CGREF1: variants seen among roughly 807,000 people sequenced by gnomAD.
CGREF1 encodes cell growth regulator with EF hand domain protein 1.
A neutral mutation model predicts 17.4 loss-of-function variants in CGREF1; 16 were observed. The observed-to-expected ratio is 0.92, with a 90% CI of 0.62 to 1.40. The LOEUF is 1.40. Among genes scored for constraint, CGREF1 ranks in the 40% most tolerant of loss-of-function variants. The probability of loss-of-function intolerance (pLI) is 0.00; values close to 1 mark genes in which losing one functional copy is unlikely to be tolerated. For missense variants in CGREF1, 296 were observed against 376.4 expected, an observed-to-expected ratio of 0.79 and a Z score of 1.77; for synonymous variants, 142 against 154.6, an observed-to-expected ratio of 0.92 and a Z score of 0.61.
intron 1 of CGREF1, among the ~76,000 whole-genome samples, chr2:27,109,142 G>A (rs1468162888): frequency 6.6e-6 from 1 of 152,128 alleles, no homozygotes; most frequent in African/African-American, 2.4e-5. Context: ...AGCTGAGGTG[G>A]AAGGATCTCC....
Position 27,102,433 on chromosome 2 carries a change from G to A in CGREF1, c.147-3C>T, listed in dbSNP as rs765715349. The A allele has an allele frequency of 6.2e-7, 1 of 1,614,028 alleles. No individual in the cohort carries two copies. The highest frequency in any genetic ancestry group is 8.5e-7 in the Non-Finnish European group (1 of 1,179,884). ...CCTTTAGGTAGCTCTGCAGAAGTCT[G>A]TCAGAAAAGTGGAGAATCAGCCCGG... On this transcript the variant is annotated splice_polypyrimidine_tract_variant and splice_region_variant and intron_variant, in intron 3 of 5. Coordinates refer to ENST00000402394, the MANE Select transcript of CGREF1 (RefSeq NM_006569.6).
chr2:27,116,659 T>C (rs1400875730), intron 1 of CGREF1, among the ~76,000 whole-genome samples: 1 of 150,982 alleles, frequency 6.6e-6, no homozygotes, highest in African/African-American at 2.4e-5. Context: ...AACCTCCACC[T>C]CCCGAGTTCA....
chr2:27,111,167 G>C (rs1671365102), intron 1 of CGREF1, among the ~76,000 whole-genome samples: 1 of 152,204 alleles, frequency 6.6e-6, no homozygotes, highest in Non-Finnish European at 1.5e-5. Flanking sequence ...CTGCTGATTG[G>C]TCCATTTTAC....
chr2:27,116,898 TCTCTCTCTCTCTCTCTCTCTCTCTC>T (rs1671597717), intron 1 of CGREF1, among the ~76,000 whole-genome samples: 3 of 128,596 alleles, frequency 2.3e-5, no homozygotes, highest in African/African-American at 8.9e-5. Context: ...TCTCTCTCTC[TCTCTCTCTCTCTCTCTCTCTCTCTC>T]TTTTTTTGAG....
At chr2:27,111,487 G>A (rs1440428926) in intron 1 of CGREF1, among the ~76,000 whole-genome samples, 1 of 152,252 alleles carries the variant, frequency 6.6e-6, no homozygotes, top group African/African-American at 2.4e-5. Context: ...AGGTGGAGCT[G>A]CCTGTCAGTC....
At chr2:27,099,399 C>T (rs772413859), downstream of CGREF1, 5 of 1,612,728 alleles carry the variant, frequency 3.1e-6, no homozygotes, top group South Asian at 5.5e-5. Context: ...TAACACCCAG[C>T]TGAGTGGAGC....
intron 1 of CGREF1, chr2:27,110,616 A>G (rs2148394044): frequency 6.6e-6 from 1 of 152,404 alleles, no homozygotes; most frequent in Middle Eastern, 3.4e-3. Flanking sequence ...AGTAAAACAG[A>G]CAAACCTTTG....
intron 1 of CGREF1, among the ~76,000 whole-genome samples, chr2:27,118,210 C>T (rs544766520): frequency 6.6e-6 from 1 of 152,222 alleles, no homozygotes; most frequent in South Asian, 2.1e-4. Flanking sequence ...AAATTTCTTC[C>T]TCAGCAACCC....
Position 27,101,693 on chromosome 2 carries a change from CTT to C in CGREF1, c.536_537del (p.Gln179ArgfsTer36). On this transcript the variant is annotated frameshift_variant, in exon 6 of 6. Transcript: ENST00000402394. LOFTEE classifies it low-confidence loss of function (END_TRUNC). ...CTGGGACCAGGGGCTTCCTGTGTTTCTTGTCTTAATGGGCTTTTAGCTAATAG... is the reference window on the plus strand; with the variant it reads ...CTGGGACCAGGGGCTTCCTGTGTTTCGTCTTAATGGGCTTTTAGCTAATAG... ...QSLLAKSPLR[Q>X]ETQEAPGPRE... 6.2e-7 allele frequency: 1 copy of C among 1,614,238 alleles called. No homozygotes were observed. The highest frequency in any genetic ancestry group is 1.6e-4 in the Middle Eastern group (1 of 6,062).
At position 27,106,257 on chromosome 2, in the gene CGREF1, T is replaced by G. The variant is rs74827090; in HGVS notation, c.-11-1880A>C. Among the ~76,000 whole-genome samples, 6 of 152,366 alleles carry G rather than the reference T, an allele frequency of 3.9e-5. No individual in the cohort carries two copies. In the East Asian group the frequency reaches 1.2e-3, roughly 29 times the overall value. ...TGGGTTGGCAAGAAATCCTCAACAGTACAAATGTGCAGTGAAAACAGTAAT... is the reference window on the plus strand; with the variant it reads ...TGGGTTGGCAAGAAATCCTCAACAGGACAAATGTGCAGTGAAAACAGTAAT... On this transcript the variant is annotated intron_variant, in intron 1 of 5. Coordinates refer to ENST00000402394, the MANE Select transcript of CGREF1 (RefSeq NM_006569.6).
chr2:27,110,383 C>A (rs1362899511), intron 1 of CGREF1, among the ~76,000 whole-genome samples: 1 of 141,948 alleles, frequency 7.0e-6, no homozygotes, highest in Non-Finnish European at 1.5e-5. Flanking sequence ...GCCTCGGTGA[C>A]AGTCAGACTA....
chr2:27,100,544 T>TTATAATGTAAAGAGCA (rs1168016524), downstream of CGREF1: 1 of 1,290,428 alleles, frequency 7.7e-7, no homozygotes, highest in Non-Finnish European at 1.0e-6. Context: ...GGGTAAGGCC[T>TTATAATGTAAAGAGCA]TATAATGTAA....
At chr2:27,114,662 C>A (rs760520219) in intron 1 of CGREF1, among the ~76,000 whole-genome samples, 7 of 152,276 alleles carry the variant, frequency 4.6e-5, no homozygotes, top group African/African-American at 1.7e-4. Flanking sequence ...ATGGAAGGAG[C>A]CTGGTCTCCC....
In CGREF1 at chr2:27,101,063, A is replaced by T. The variant is rs1670794051; in HGVS notation, c.*211T>A. 4 of 1,290,682 alleles carry T rather than the reference A, an allele frequency of 3.1e-6. No individual in the cohort carries two copies. The African/African-American group carries it at 7.6e-5, about 24-fold the overall frequency. 80.0% of individuals were successfully genotyped at this position (1,290,682 alleles called of 1,614,324 possible). A position where few individuals can be genotyped will look rare whatever the true frequency, so the allele number is the denominator to read the frequency against. On this transcript the variant is annotated 3_prime_UTR_variant, in exon 6 of 6. Coordinates refer to ENST00000402394, the MANE Select transcript of CGREF1 (RefSeq NM_006569.6). ...GTCTGGGCAGGCTGGACGGGTAGAG[A>T]GGTGGCCGGGGGGATGAATTCATTC...
chr2:27,104,790 G>A, intron 1 of CGREF1: 1 of 1,459,796 alleles, frequency 6.9e-7, no homozygotes, highest in Non-Finnish European at 9.0e-7. Context: ...AGAAACGCAG[G>A]GAGTCACAAA....
chr2:27,116,113 A>C (rs557724486), intron 1 of CGREF1, among the ~76,000 whole-genome samples: 2 of 151,780 alleles, frequency 1.3e-5, no homozygotes, highest in Non-Finnish European at 2.9e-5. Flanking sequence ...CTATGGTCCC[A>C]GCTACTTGAG....
intron 2 of CGREF1, among the ~76,000 whole-genome samples, chr2:27,103,259 C>G (rs79330403): frequency 2.0e-5 from 3 of 152,142 alleles, no homozygotes; most frequent in South Asian, 2.1e-4. Flanking sequence ...TGGCTGTTTC[C>G]CCTTCTACCC....
intron 1 of CGREF1, among the ~76,000 whole-genome samples, chr2:27,118,590 C>A (rs992251149): frequency 6.6e-6 from 1 of 152,208 alleles, no homozygotes; most frequent in Admixed American, 6.5e-5. Flanking sequence ...CTGGGGGAAG[C>A]GCCTGGGGAA....
intron 1 of CGREF1, among the ~76,000 whole-genome samples, chr2:27,111,909 G>A (rs1324520813): frequency 1.3e-5 from 2 of 152,222 alleles, no homozygotes; most frequent in Non-Finnish European, 1.5e-5. Context: ...ACAGAAAGGG[G>A]CTCCCACAGT....
Sources: allele counts gnomAD v4.1 joint callset (sites outside exome capture counted in the v4.1 genomes callset), GRCh38; gene constraint gnomAD v4.1.1; transcripts MANE v1.5; gene names NCBI Gene and HGNC (gene_info 2026-07-23, HGNC 2026-07-21).